The following DLG2 variants were observed in gnomAD, a reference collection of about 807,000 sequenced individuals.
The protein encoded by DLG2 is disks large homolog 2.
Under a neutral mutation model 132.5 loss-of-function variants are expected in DLG2, and 45 were observed. The observed-to-expected ratio is 0.34, with a 90% confidence interval of 0.27 to 0.44. The LOEUF (loss-of-function observed/expected upper bound fraction) is 0.44. DLG2 is among the 20% of genes least tolerant of loss of function. DLG2 has a pLI of 1.00. For synonymous variants in DLG2, 424 were observed against 419.6 expected (o/e 1.01, Z -0.13); for missense variants, 1,045 against 1,196.9 (o/e 0.87, Z 1.87).
At chr11:84,406,196 C>G (rs781496686) in intron 7 of DLG2, among the ~76,000 whole-genome samples, 3 of 152,154 alleles carry the variant, frequency 2.0e-5, no homozygotes, top group Non-Finnish European at 4.4e-5. Context: ...TGAATATGCC[C>G]ATTCCTTAAC....
At chr11:84,222,932 A>G (rs1458370566) in intron 8 of DLG2, among the ~76,000 whole-genome samples, 1 of 152,348 alleles carries the variant, frequency 6.6e-6, no homozygotes, top group African/African-American at 2.4e-5. Flanking sequence ...TAATGAGTTT[A>G]ATACTTGGGT....
intron 20 of DLG2, among the ~76,000 whole-genome samples, chr11:83,540,952 G>C (rs1332538568): frequency 2.0e-5 from 3 of 152,266 alleles, no homozygotes; most frequent in African/African-American, 7.2e-5. Context: ...GATCTGCTGG[G>C]ACAGATTAAG....
In DLG2 at chr11:84,784,087, C is replaced by A. The variant is rs567876564; in HGVS notation, c.358-249356G>T. 6.4e-5 allele frequency among the ~76,000 whole-genome samples: 8 copies of A among 124,790 alleles called. No individual in the cohort carries two copies. In the East Asian group the frequency reaches 1.4e-3, roughly 22 times the overall value. 81.9% of individuals were successfully genotyped at this position (124,790 alleles called of 152,430 possible). On this transcript the variant is annotated intron_variant, in intron 6 of 27. Coordinates refer to ENST00000376104, the MANE Select transcript of DLG2 (RefSeq NM_001142699.3). Reference sequence around the variant, plus strand: ...CTGAGGCGGGTGGATCGCCTGAGGTCAGGAGTTCAAGACCAGCCTGGCCAA... The same window carrying A: ...CTGAGGCGGGTGGATCGCCTGAGGTAAGGAGTTCAAGACCAGCCTGGCCAA...
chr11:84,824,087 C>T (rs2078041689), intron 6 of DLG2, among the ~76,000 whole-genome samples: 1 of 151,840 alleles, frequency 6.6e-6, no homozygotes, highest in Admixed American at 6.6e-5. Context: ...GTCCAAAACT[C>T]AACTCTTGTT....
Position 85,255,257 on chromosome 11 carries a change from A to C in DLG2, c.186+29963T>G, listed in dbSNP as rs535891167. Among the ~76,000 whole-genome samples the C allele has an allele frequency of 1.5e-3, 230 of 152,266 alleles. 3 individuals carry two copies. The highest frequency in any genetic ancestry group is 6.8e-3 in the Middle Eastern group (2 of 294). On this transcript the variant is annotated intron_variant, in intron 4 of 27. Coordinates refer to ENST00000376104, the MANE Select transcript of DLG2 (RefSeq NM_001142699.3). The stretch of plus-strand genomic sequence containing the variant: ...CTCCACTGATATCACACTACTAATA[A>C]GCAACTTAAGTTTATGAATTTTAGC...
intron 10 of DLG2, among the ~76,000 whole-genome samples, chr11:84,074,108 G>A (rs1161023934): frequency 6.6e-6 from 1 of 152,110 alleles, no homozygotes; most frequent in East Asian, 1.9e-4. Flanking sequence ...AACAACAAAT[G>A]AGATACTTGT....
At chr11:83,882,015 C>A (rs2066404805) in intron 15 of DLG2, among the ~76,000 whole-genome samples, 1 of 152,048 alleles carries the variant, frequency 6.6e-6, no homozygotes, top group South Asian at 2.1e-4. Context: ...ACTTAGTTCA[C>A]TTTTAATTCT....
chr11:85,601,067 T>C (rs530105851), intron 2 of DLG2, among the ~76,000 whole-genome samples: 4 of 152,208 alleles, frequency 2.6e-5, no homozygotes, highest in African/African-American at 9.6e-5. Context: ...ACAAATACAA[T>C]CAATGTAAAT....
chr11:83,899,614 C>A (rs914238876), intron 15 of DLG2, among the ~76,000 whole-genome samples: 3 of 152,164 alleles, frequency 2.0e-5, no homozygotes, highest in African/African-American at 7.2e-5. Context: ...TTTCCCTGCA[C>A]AAGCTCTCTC....
At chr11:84,748,623 T>C (rs1164492862) in intron 6 of DLG2, among the ~76,000 whole-genome samples, 2 of 152,192 alleles carry the variant, frequency 1.3e-5, no homozygotes, top group Non-Finnish European at 2.9e-5. Flanking sequence ...AAAAGCGACC[T>C]AAAACATAAA....
intron 3 of DLG2, among the ~76,000 whole-genome samples, chr11:85,470,652 T>A (rs2092956644): frequency 6.6e-6 from 1 of 152,066 alleles, no homozygotes; most frequent in Non-Finnish European, 1.5e-5. Flanking sequence ...CACTTGAACC[T>A]GGGAAACGGA....
intron 3 of DLG2, among the ~76,000 whole-genome samples, chr11:85,520,825 A>G (rs988304102): frequency 6.6e-6 from 1 of 152,178 alleles, no homozygotes; most frequent in East Asian, 1.9e-4. Context: ...GAAGAATGAA[A>G]TTAGACCCCT....
chr11:83,695,481 G>A lies in DLG2; in HGVS notation c.1826-62156C>T, dbSNP rs11827203. Reference sequence around the variant, plus strand: ...GTCCTAGCTGGGTGCAGTGGCTCACGCCTCTAATCCCAGCACTTTGGGAGG... The same window carrying A: ...GTCCTAGCTGGGTGCAGTGGCTCACACCTCTAATCCCAGCACTTTGGGAGG... On this transcript the variant is annotated intron_variant, in intron 18 of 27. Transcript: ENST00000376104. Among the ~76,000 whole-genome samples, 1,294 of 152,292 alleles carry A rather than the reference G, an allele frequency of 8.5e-3. 20 individuals are homozygous for A. Among genetic ancestry groups the A allele is most frequent in the African/African-American group, 0.028 (1,149 of 41,574 alleles).
chr11:83,552,900 C>T (rs2096427373), intron 19 of DLG2, among the ~76,000 whole-genome samples: 1 of 152,206 alleles, frequency 6.6e-6, no homozygotes, highest in African/African-American at 2.4e-5. Flanking sequence ...GGGAATCCTT[C>T]CTGAATCTAT....
chr11:83,566,636 TTC>T (rs1482616396), intron 19 of DLG2, among the ~76,000 whole-genome samples: 1 of 151,814 alleles, frequency 6.6e-6, no homozygotes, highest in Non-Finnish European at 1.5e-5. Flanking sequence ...AAAGAAATAA[TTC>T]TCTTTCTCTC....
At position 84,741,056 on chromosome 11, in the gene DLG2, CTTTTTTTTTT is replaced by C. The variant is rs1163275954; in HGVS notation, c.358-206335_358-206326del. The stretch of plus-strand genomic sequence containing the variant: ...GACCAAACAACTGTGTGCCTATGCT[CTTTTTTTTTT>C]TTTTTTTTTTTTTTTTTTGAGATGG... On this transcript the variant is annotated intron_variant, in intron 6 of 27. Transcript: ENST00000376104. 4.2e-4 allele frequency among the ~76,000 whole-genome samples: 33 copies of C among 79,330 alleles called. 1 individual carries two copies. Among genetic ancestry groups the C allele is most frequent in the South Asian group, 1.4e-3 (3 of 2,222 alleles). The allele number at this position is 79,330 out of a possible 152,430, so 52.0% of individuals were successfully genotyped here.
chr11:85,219,467 C>CAT (rs1353521039), intron 4 of DLG2, among the ~76,000 whole-genome samples: 15 of 151,966 alleles, frequency 9.9e-5, no homozygotes, highest in African/African-American at 3.6e-4. Flanking sequence ...TAACATACTG[C>CAT]ATGATGGTCA....
rs369898844 is a variant in DLG2, at chr11:84,346,897, T to C, written c.520-95606A>G. 7.1e-4 allele frequency among the ~76,000 whole-genome samples: 108 copies of C among 152,316 alleles called. 1 individual carries two copies. The highest frequency in any genetic ancestry group is 2.4e-3 in the African/African-American group (100 of 41,576). ...AAATTTGGGTTTCACTGTCTTTATC[T>C]GTAAAGTAAGTATGTTGCATTATGA... On this transcript the variant is annotated intron_variant, in intron 7 of 27. Coordinates refer to ENST00000376104, the MANE Select transcript of DLG2 (RefSeq NM_001142699.3).
chr11:83,568,676 G>A (rs1253406091), intron 19 of DLG2, among the ~76,000 whole-genome samples: 1 of 152,102 alleles, frequency 6.6e-6, no homozygotes, highest in Non-Finnish European at 1.5e-5. Flanking sequence ...CAGAATGCAG[G>A]GGAGGAGGAA....
Sources: gnomAD v4.1 joint callset for allele counts (sites outside exome capture counted in the v4.1 genomes callset) on GRCh38, gnomAD v4.1.1 for gene constraint, MANE v1.5 for transcripts, NCBI Gene and HGNC (gene_info 2026-07-23, HGNC 2026-07-21) for gene names.